Variants in SLC6A2 observed in about 807,000 individuals in gnomAD.
SLC6A2 encodes the protein sodium-dependent noradrenaline transporter.
SLC6A2 carries 26 observed loss-of-function variants against 71.7 expected under a neutral mutation model. That is an observed-to-expected ratio of 0.36 (90% CI 0.27 to 0.50). The LOEUF is 0.50. Among genes scored for constraint, SLC6A2 ranks in the 20% least tolerant of loss-of-function variants. The probability of loss-of-function intolerance (pLI) is 0.96; values close to 1 mark genes in which losing one functional copy is unlikely to be tolerated. For missense variants in SLC6A2, 581 were observed against 803.9 expected, an observed-to-expected ratio of 0.72 and a Z score of 3.35; for synonymous variants, 363 against 337.9, an observed-to-expected ratio of 1.07 and a Z score of -0.82.
rs1428469027 is a variant in SLC6A2 at position 55,666,606 on chromosome 16, G to A, written c.275-2959G>A. Among the ~76,000 whole-genome samples, 4 of 152,126 alleles carry A rather than the reference G, an allele frequency of 2.6e-5. No homozygotes were observed. In the East Asian group the frequency reaches 7.7e-4, roughly 29 times the overall value. On this transcript the variant is annotated intron_variant, in intron 2 of 14. Coordinates refer to ENST00000568943, the MANE Select transcript of SLC6A2 (RefSeq NM_001172501.3). ...TTTCCACCTGAATGAAGCTTTGGCT[G>A]GCCCACATCAAATGCACTCACAGAG...
intron 5 of SLC6A2, among the ~76,000 whole-genome samples, 155 bp from the exon 6 acceptor site, chr16:55,691,763 C>T (rs1374697742): frequency 6.6e-6 from 1 of 152,144 alleles, no homozygotes; most frequent in Admixed American, 6.5e-5. Context: ...TGGCTCAGGG[C>T]CTTGCCTAGA....
chr16:55,670,342 T>C (rs1964871573), intron 3 of SLC6A2, among the ~76,000 whole-genome samples: 1 of 152,166 alleles, frequency 6.6e-6, no homozygotes, highest in African/African-American at 2.4e-5. Context: ...GCCTCCTGAG[T>C]ACCTCTTGTG....
At chr16:55,685,317 T>C in intron 5 of SLC6A2, 36 bp downstream of exon 5, 1 of 1,602,646 alleles carries the variant, frequency 6.2e-7, no homozygotes, top group Non-Finnish European at 8.5e-7. Context: ...CTTACTTGGG[T>C]GATCAACCTT....
intron 2 of SLC6A2, among the ~76,000 whole-genome samples, chr16:55,663,838 G>A (rs1964675281): frequency 1.3e-5 from 2 of 151,900 alleles, no homozygotes; most frequent in South Asian, 4.2e-4. Flanking sequence ...TTCTTTCTTG[G>A]AGCTGGCAGT....
rs1207656097 is a variant in SLC6A2 at position 55,672,800 on chromosome 16, A to G, written c.644+625A>G. On this transcript the variant is annotated intron_variant, in intron 4 of 14. Coordinates refer to ENST00000568943, the MANE Select transcript of SLC6A2 (RefSeq NM_001172501.3). ...CAGCTGTATGCAGCTCTGAGAAATT[A>G]TTTGGACCATGTGTGCACGAGAAGC... 2.6e-5 allele frequency among the ~76,000 whole-genome samples: 4 copies of G among 152,376 alleles called. No homozygotes were observed. The South Asian group carries it at 8.3e-4, about 32-fold the overall frequency.
At position 55,694,071 on chromosome 16, in the gene SLC6A2, T is replaced by C; in HGVS notation, c.980T>C (p.Ile327Thr). ...FSLGAGFGVL[I>T]AFASYNKFDN... Reference sequence around the variant, plus strand: ...TTGGGGGCTGGATTTGGAGTATTGATTGCATTTGCCAGTTACAACAAATTT... The same window carrying C: ...TTGGGGGCTGGATTTGGAGTATTGACTGCATTTGCCAGTTACAACAAATTT... The change falls in exon 7 of 15, where the codon ATT becomes ACT. Residue 327 changes from isoleucine (I) to threonine (T), a missense_variant. Ile to Thr is a moderately conservative substitution (Grantham distance 89). Transcript: ENST00000568943. 6.2e-7 allele frequency: 1 copy of C among 1,613,396 alleles called. No individual in the cohort carries two copies. Among genetic ancestry groups the C allele is most frequent in the Non-Finnish European group, 8.5e-7 (1 of 1,179,324 alleles).
chr16:55,668,553 C>T (rs1349608734), intron 2 of SLC6A2, among the ~76,000 whole-genome samples: 6 of 152,128 alleles, frequency 3.9e-5, no homozygotes, highest in Non-Finnish European at 2.9e-5. Flanking sequence ...TCCAGCTGTG[C>T]GTGGAAAGGA....
At chr16:55,664,628 C>T (rs1319534680) in intron 2 of SLC6A2, among the ~76,000 whole-genome samples, 4 of 152,220 alleles carry the variant, frequency 2.6e-5, no homozygotes, top group African/African-American at 9.6e-5. Context: ...CACTAAGTGC[C>T]TGGCACTTCA....
intron 13 of SLC6A2, among the ~76,000 whole-genome samples, chr16:55,700,966 T>C (rs1337764662): frequency 1.3e-5 from 2 of 152,214 alleles, no homozygotes. Context: ...CTTTCTTTCA[T>C]AAACTAATAG....
At chr16:55,661,421 C>T (rs1964606540) in intron 2 of SLC6A2, among the ~76,000 whole-genome samples, 1 of 152,160 alleles carries the variant, frequency 6.6e-6, no homozygotes, top group African/African-American at 2.4e-5. Context: ...ACCACAGCAC[C>T]TTCTTGCAGG....
At chr16:55,702,064 C>A in intron 14 of SLC6A2, 130 bp downstream of exon 14, 1 of 823,778 alleles carries the variant, frequency 1.2e-6, no homozygotes, top group Non-Finnish European at 2.1e-6. Flanking sequence ...GCCTTTTCCC[C>A]TTGGAAACAT....
At chr16:55,657,076 G>A in intron 2 of SLC6A2, 108 bp downstream of exon 2, 3 of 1,250,112 alleles carry the variant, frequency 2.4e-6, no homozygotes, top group Non-Finnish European at 3.4e-6. Flanking sequence ...GGAGACAGGG[G>A]CAAATCTGGG....
Position 55,702,747 on chromosome 16 carries a change from C to CAAA in SLC6A2, c.*413_*415dup, listed in dbSNP as rs72297759. 3,028 of 902,892 alleles carry CAAA rather than the reference C, an allele frequency of 3.4e-3. No homozygotes were observed. The highest frequency in any genetic ancestry group is 0.011 in the East Asian group (100 of 8,874). 55.9% of individuals were successfully genotyped at this position (902,892 alleles called of 1,614,324 possible). A position where few individuals can be genotyped will look rare whatever the true frequency, so the allele number is the denominator to read the frequency against. On this transcript the variant is annotated 3_prime_UTR_variant, in exon 15 of 15. Coordinates refer to ENST00000568943, the MANE Select transcript of SLC6A2 (RefSeq NM_001172501.3). Reference sequence around the variant, plus strand: ...TGGGCTTTTGATCAGATACCCCTCCCAAAAAAAAAAAAAACTAAAACTAAA... The same window carrying CAAA: ...TGGGCTTTTGATCAGATACCCCTCCCAAAAAAAAAAAAAAAAACTAAAACTAAA...
intron 5 of SLC6A2, 120 bp downstream of exon 5, chr16:55,685,401 T>C: frequency 3.7e-6 from 4 of 1,076,104 alleles, no homozygotes; most frequent in Non-Finnish European, 5.7e-6. Context: ...GTGCAAGGCC[T>C]GGGTTCAAGC....
At chr16:55,687,624 A>T (rs1433973527) in intron 5 of SLC6A2, among the ~76,000 whole-genome samples, 10 of 152,236 alleles carry the variant, frequency 6.6e-5, no homozygotes, top group African/African-American at 2.4e-4. Context: ...AGGCACAGAC[A>T]GAGACCCTGA....
chr16:55,689,625 G>A (rs539531368), intron 5 of SLC6A2, among the ~76,000 whole-genome samples: 36 of 152,348 alleles, frequency 2.4e-4, no homozygotes, highest in African/African-American at 8.4e-4. Context: ...CAGTCTCAAG[G>A]AGATGTGAGA....
At position 55,696,310 on chromosome 16, in the gene SLC6A2, G is replaced by A. The variant is rs1965796992; in HGVS notation, c.1233G>A (p.Met411Ile). 6.2e-7 allele frequency: 1 copy of A among 1,612,258 alleles called. No homozygotes were observed. The highest frequency in any genetic ancestry group is 1.7e-5 in the Admixed American group (1 of 60,002). Residue 411 changes from methionine (M) to isoleucine (I), a missense_variant, in exon 9 of 15, where the codon ATG becomes ATA. This residue lies in a region of SLC6A2 where 334 missense variants were observed against 449.0 expected (regional missense o/e 0.74). Transcript: ENST00000568943. ...TCTGGGCTGTTGTGTTTTTCGTCAT[G>A]CTCCTGGCGCTGGGCCTTGACAGCT... is the stretch of plus-strand genomic sequence containing the variant. ...STFWAVVFFV[M>I]LLALGLDSSM...
intron 13 of SLC6A2, 127 bp from the exon 14 acceptor site, chr16:55,701,736 C>T: frequency 1.3e-6 from 1 of 766,278 alleles, no homozygotes; most frequent in African/African-American, 1.7e-5. Flanking sequence ...TTGTACAGAC[C>T]CCAAATGCTA....
intron 2 of SLC6A2, among the ~76,000 whole-genome samples, chr16:55,669,317 C>T (rs1448794447): frequency 2.6e-5 from 4 of 152,204 alleles, no homozygotes; most frequent in Non-Finnish European, 4.4e-5. Flanking sequence ...CTGCAAGAAG[C>T]AAACCTATTT....
Sources: gnomAD v4.1 joint callset for allele counts (sites outside exome capture counted in the v4.1 genomes callset) on GRCh38, gnomAD v4.1.1 for gene constraint, gnomAD v4.1.1 regional missense constraint, MANE v1.5 for transcripts, NCBI Gene and HGNC (gene_info 2026-07-23, HGNC 2026-07-21) for gene names.